SPTBN1: variants seen among roughly 807,000 people sequenced by gnomAD.
The protein encoded by SPTBN1 is spectrin beta, non-erythrocytic 1.
Under a neutral mutation model 266.4 loss-of-function variants are expected in SPTBN1, and 32 were observed. That is an observed-to-expected ratio of 0.12 (90% CI 0.09 to 0.16). The LOEUF is 0.16. SPTBN1 is among the 10% of genes least tolerant of loss of function. The probability of loss-of-function intolerance (pLI) is 1.00; values close to 1 mark genes in which losing one functional copy is unlikely to be tolerated. For synonymous variants in SPTBN1, 1,336 were observed against 1,162.2 expected (o/e 1.15, Z -3.04); for missense variants, 2,296 against 3,067.1 (o/e 0.75, Z 5.94).
intron 3 of SPTBN1, among the ~76,000 whole-genome samples, chr2:54,611,907 T>G (rs1314092938): frequency 6.6e-6 from 1 of 152,230 alleles, no homozygotes; most frequent in Non-Finnish European, 1.5e-5. Context: ...CTTAAACAAA[T>G]GCTCATTTGT....
intron 2 of SPTBN1, among the ~76,000 whole-genome samples, chr2:54,553,658 C>T (rs943708553): frequency 2.0e-5 from 3 of 152,210 alleles, no homozygotes; most frequent in Admixed American, 6.5e-5. Context: ...ACTTTGTTTT[C>T]TGTCCCTCCC....
At chr2:54,562,905 C>G (rs936258017) in intron 2 of SPTBN1, among the ~76,000 whole-genome samples, 1 of 152,066 alleles carries the variant, frequency 6.6e-6, no homozygotes, top group African/African-American at 2.4e-5. Flanking sequence ...TCCAATTATT[C>G]CATAAAGTTT....
At chr2:54,616,402 A>G (rs878932773) in intron 5 of SPTBN1, 104 bp downstream of exon 5, 21 of 952,696 alleles carry the variant, frequency 2.2e-5, no homozygotes, top group South Asian at 1.9e-4. Context: ...CACTGCTTCC[A>G]TTGGGAAGTC....
intron 2 of SPTBN1, among the ~76,000 whole-genome samples, chr2:54,594,440 C>T (rs1675910160): frequency 6.6e-6 from 1 of 152,002 alleles, no homozygotes; most frequent in African/African-American, 2.4e-5. Context: ...CTAAAGTATA[C>T]AGGAAGATGT....
chr2:54,509,510 A>C (rs1669743585), intron 1 of SPTBN1, among the ~76,000 whole-genome samples: 1 of 152,268 alleles, frequency 6.6e-6, no homozygotes, highest in South Asian at 2.1e-4. Context: ...CGGGGACATG[A>C]TGGCCAGCCT....
intron 2 of SPTBN1, among the ~76,000 whole-genome samples, chr2:54,587,513 TAA>T (rs747240362): frequency 3.3e-5 from 5 of 152,366 alleles, no homozygotes; most frequent in Middle Eastern, 3.4e-3. Flanking sequence ...TATTTAGTTC[TAA>T]GTTTTTCCTA....
intron 2 of SPTBN1, among the ~76,000 whole-genome samples, chr2:54,530,625 G>C (rs1477068779): frequency 6.6e-6 from 1 of 152,020 alleles, no homozygotes; most frequent in Non-Finnish European, 1.5e-5. Flanking sequence ...CCAAAGTGCT[G>C]AGATTACAGG....
rs765890801 is a variant in SPTBN1, at chr2:54,632,703, G to T, written c.3702G>T (p.Arg1234Ser). The T allele has an allele frequency of 9.3e-6, 15 of 1,614,108 alleles. No homozygotes were observed. The highest frequency in any genetic ancestry group is 1.3e-5 in the Non-Finnish European group (15 of 1,180,044). ...KINAVVETGR[R>S]LVSDGNINSD... ...ATGCTGTGGTGGAGACTGGCCGGAGGCTGGTGAGCGATGGGAACATCAACT... is the reference window on the plus strand; with the variant it reads ...ATGCTGTGGTGGAGACTGGCCGGAGTCTGGTGAGCGATGGGAACATCAACT... The change falls in exon 17 of 36, where the codon AGG (arginine) becomes AGT (serine). Residue 1234 changes from arginine to serine, a missense_variant. Arg to Ser is a moderately radical substitution (Grantham distance 110). Around this residue, in one of 12 missense-constraint regions of SPTBN1, gnomAD observed 386 missense variants for 486.1 expected, o/e 0.79. Coordinates refer to ENST00000356805, the MANE Select transcript of SPTBN1 (RefSeq NM_003128.3).
At chr2:54,608,263 AAG>A (rs1460133441) in intron 3 of SPTBN1, among the ~76,000 whole-genome samples, 1 of 152,218 alleles carries the variant, frequency 6.6e-6, no homozygotes. Flanking sequence ...TGGAAGTAAT[AAG>A]AGCAATAAAT....
intron 32 of SPTBN1, chr2:54,660,458 C>T (rs536960723): frequency 2.7e-4 from 266 of 998,770 alleles, no homozygotes; most frequent in Middle Eastern, 5.1e-4. Flanking sequence ...TATATGTAGC[C>T]GCCTTTACAG....
At chr2:54,556,500 A>G (rs1415200622) in intron 2 of SPTBN1, among the ~76,000 whole-genome samples, 2 of 152,226 alleles carry the variant, frequency 1.3e-5, no homozygotes, top group African/African-American at 4.8e-5. Context: ...AAGTGGCCCA[A>G]TGATTAAAAC....
chr2:54,592,292 A>G (rs1675731734), intron 2 of SPTBN1, among the ~76,000 whole-genome samples: 3 of 152,190 alleles, frequency 2.0e-5, no homozygotes, highest in Admixed American at 2.0e-4. Flanking sequence ...CTAGAAGAGG[A>G]TGATGGTGGA....
intron 1 of SPTBN1, among the ~76,000 whole-genome samples, chr2:54,496,267 G>A (rs933805546): frequency 6.6e-6 from 1 of 151,730 alleles, no homozygotes; most frequent in African/African-American, 2.4e-5. Context: ...GTGAAACCCC[G>A]TCTCTACTAA....
intron 3 of SPTBN1, among the ~76,000 whole-genome samples, chr2:54,609,971 C>T (rs1279589738): frequency 2.0e-5 from 3 of 152,184 alleles, no homozygotes; most frequent in Non-Finnish European, 4.4e-5. Context: ...GTTAGCCTAT[C>T]CCTTTATGCC....
intron 1 of SPTBN1, among the ~76,000 whole-genome samples, chr2:54,505,161 G>C (rs1669488174): frequency 6.6e-6 from 1 of 152,146 alleles, no homozygotes. Context: ...ACCAAGTTTT[G>C]CATATTATAG....
intron 3 of SPTBN1, among the ~76,000 whole-genome samples, chr2:54,603,851 G>C (rs1434096547): frequency 1.3e-5 from 2 of 152,184 alleles, no homozygotes; most frequent in Admixed American, 1.3e-4. Flanking sequence ...ACATAAGCAA[G>C]TGCCTGTCAC....
chr2:54,523,433 T>G (rs1218407938), intron 1 of SPTBN1, among the ~76,000 whole-genome samples: 1 of 152,220 alleles, frequency 6.6e-6, no homozygotes, highest in Non-Finnish European at 1.5e-5. Flanking sequence ...ATTCAGTGCT[T>G]CTTCCTCAGG....
intron 8 of SPTBN1, 22 bp downstream of exon 8, chr2:54,621,534 G>C (rs2103866833): frequency 1.3e-6 from 2 of 1,583,630 alleles, no homozygotes; most frequent in Middle Eastern, 1.7e-4. Context: ...CCAATTTTGT[G>C]AGTTGTGAGA....
chr2:54,580,735 G>A (rs972195050), intron 2 of SPTBN1, among the ~76,000 whole-genome samples: 1 of 152,018 alleles, frequency 6.6e-6, no homozygotes, highest in African/African-American at 2.4e-5. Context: ...ACAGGCCTGG[G>A]GGAGCCAATA....
Sources: allele counts gnomAD v4.1 joint callset (sites outside exome capture counted in the v4.1 genomes callset), GRCh38; gene constraint gnomAD v4.1.1; regional missense constraint gnomAD v4.1.1; transcripts MANE v1.5; gene names NCBI Gene and HGNC (gene_info 2026-07-23, HGNC 2026-07-21).